The following TMEM163 variants were observed in gnomAD, a reference collection of about 807,000 sequenced individuals.
TMEM163 encodes the protein transmembrane protein 163.
TMEM163 carries 17 observed loss-of-function variants against 29.3 expected under a neutral mutation model. The ratio of observed to expected loss-of-function variants is 0.58; its 90% CI spans 0.40 to 0.87. TMEM163 has a LOEUF of 0.87. TMEM163 is among the 40% of genes least tolerant of loss of function. TMEM163 has a pLI of 0.00. For synonymous variants in TMEM163, 157 were observed against 160.6 expected (o/e 0.98, Z 0.17); for missense variants, 303 against 381.5 (o/e 0.79, Z 1.71).
intron 2 of TMEM163, among the ~76,000 whole-genome samples, chr2:134,667,990 G>A (rs1043173867): frequency 3.3e-5 from 5 of 152,184 alleles, no homozygotes; most frequent in Non-Finnish European, 7.3e-5. Flanking sequence ...CTGGGAGATC[G>A]GATCTGCTGA....
chr2:134,551,278 G>GGT (rs138062067), intron 3 of TMEM163, among the ~76,000 whole-genome samples: 16 of 150,886 alleles, frequency 1.1e-4, no homozygotes, highest in South Asian at 4.2e-4. Flanking sequence ...GGTATGTCTG[G>GGT]GTGTGTGTGT....
intron 2 of TMEM163, among the ~76,000 whole-genome samples, chr2:134,595,737 G>GTAAA (rs1682063111): frequency 6.6e-6 from 1 of 152,192 alleles, no homozygotes; most frequent in South Asian, 2.1e-4. Flanking sequence ...CACCAACAGT[G>GTAAA]TAAAAGTGTT....
At chr2:134,535,245 G>A (rs148704140) in intron 4 of TMEM163, among the ~76,000 whole-genome samples, 15 of 152,252 alleles carry the variant, frequency 9.9e-5, no homozygotes, top group African/African-American at 3.1e-4. Context: ...CTGACACATC[G>A]TGCACATTGC....
At chr2:134,605,715 AGGAGG>A (rs1322751477) in intron 2 of TMEM163, among the ~76,000 whole-genome samples, 2 of 147,762 alleles carry the variant, frequency 1.4e-5, no homozygotes, top group African/African-American at 5.0e-5. Flanking sequence ...GGGAAGGAAG[AGGAGG>A]GGAGGGGAGG....
intron 2 of TMEM163, among the ~76,000 whole-genome samples, chr2:134,623,715 C>T (rs1191475627): frequency 2.0e-5 from 3 of 151,924 alleles, no homozygotes; most frequent in Non-Finnish European, 2.9e-5. Flanking sequence ...TACGGTGAGC[C>T]GAGATAGCGC....
At chr2:134,537,345 G>A (rs1054200911) in intron 4 of TMEM163, among the ~76,000 whole-genome samples, 7 of 152,196 alleles carry the variant, frequency 4.6e-5, no homozygotes, top group Non-Finnish European at 1.0e-4. Flanking sequence ...GGAGGCTGAA[G>A]TTCTGAGATC....
chr2:134,471,086 C>A (rs1686790450), intron 5 of TMEM163, among the ~76,000 whole-genome samples: 1 of 152,202 alleles, frequency 6.6e-6, no homozygotes, highest in Admixed American at 6.5e-5. Context: ...GCAAGTGGAT[C>A]ACTTGAGGCC....
At chr2:134,714,972 T>C (rs377183195) in intron 1 of TMEM163, among the ~76,000 whole-genome samples, 5 of 152,176 alleles carry the variant, frequency 3.3e-5, no homozygotes, top group African/African-American at 1.2e-4. Flanking sequence ...CCCTTAATAA[T>C]TTATGTCCCT....
At chr2:134,605,323 A>G (rs1287317286) in intron 2 of TMEM163, among the ~76,000 whole-genome samples, 1 of 152,200 alleles carries the variant, frequency 6.6e-6, no homozygotes, top group African/African-American at 2.4e-5. Flanking sequence ...CAAAAGAGCA[A>G]AGAAACATGT....
chr2:134,663,826 C>A (rs1408417633), intron 2 of TMEM163, among the ~76,000 whole-genome samples: 1 of 152,208 alleles, frequency 6.6e-6, no homozygotes, highest in Non-Finnish European at 1.5e-5. Context: ...GACTCCTGCC[C>A]TTTTTACCAC....
At chr2:134,476,942 T>C (rs1005993000) in intron 5 of TMEM163, among the ~76,000 whole-genome samples, 7 of 152,218 alleles carry the variant, frequency 4.6e-5, no homozygotes, top group African/African-American at 1.7e-4. Flanking sequence ...TGTTTACTCC[T>C]TCAACAAGTT....
At chr2:134,550,474 G>C (rs992919461) in intron 4 of TMEM163, 96 bp downstream of exon 4, 1 of 1,195,820 alleles carries the variant, frequency 8.4e-7, no homozygotes, top group African/African-American at 1.5e-5. Flanking sequence ...TCATCACTGG[G>C]ACAAAAGCTG....
In TMEM163 at chr2:134,554,210, G is replaced by A. The variant is rs573594873; in HGVS notation, c.323-2119C>T. On this transcript the variant is annotated intron_variant, in intron 2 of 7. Coordinates refer to ENST00000281924, the MANE Select transcript of TMEM163 (RefSeq NM_030923.5). ...GAGGCCAAGGTGGGGGGATCACGAGGTCAAGAGATCGAGACCATCCTGGCC... is the reference window on the plus strand; with the variant it reads ...GAGGCCAAGGTGGGGGGATCACGAGATCAAGAGATCGAGACCATCCTGGCC... Among the ~76,000 whole-genome samples the A allele has an allele frequency of 1.3e-4, 20 of 152,056 alleles. No individual in the cohort carries two copies. The East Asian group carries it at 3.7e-3, about 28-fold the overall frequency.
At chr2:134,523,120 G>A (rs1558932808) in intron 4 of TMEM163, among the ~76,000 whole-genome samples, 1 of 152,198 alleles carries the variant, frequency 6.6e-6, no homozygotes, top group African/African-American at 2.4e-5. Flanking sequence ...TGAAACGTGT[G>A]TACACAGTAA....
chr2:134,480,106 T>TA (rs768868963), intron 5 of TMEM163, among the ~76,000 whole-genome samples: 1 of 152,200 alleles, frequency 6.6e-6, no homozygotes, highest in Non-Finnish European at 1.5e-5. Flanking sequence ...GTGTACATTA[T>TA]AAGACACGGT....
At chr2:134,568,688 AAAAGG>A (rs945733774) in intron 2 of TMEM163, among the ~76,000 whole-genome samples, 2 of 151,628 alleles carry the variant, frequency 1.3e-5, no homozygotes, top group African/African-American at 4.9e-5. Flanking sequence ...AAGAAAAGAA[AAAAGG>A]AAAGAAAGAA....
At chr2:134,585,737 GTCT>G (rs1681808429) in intron 2 of TMEM163, among the ~76,000 whole-genome samples, 2 of 107,954 alleles carry the variant, frequency 1.9e-5, no homozygotes, top group Admixed American at 2.2e-4. Context: ...GCGAGACTCC[GTCT>G]CAAAAAAAAA....
At position 134,713,270 on chromosome 2, in the gene TMEM163, G is replaced by A. The variant is rs764852910; in HGVS notation, c.252C>T (p.Tyr84=). The A allele has an allele frequency of 3.1e-6, 5 of 1,614,142 alleles. No individual in the cohort carries two copies. The highest frequency in any genetic ancestry group is 4.5e-5 in the East Asian group (2 of 44,886). ...TRLKPHEAQN[Y]RKKALWVSWF... Reference sequence around the variant, plus strand: ...AGGACACCCACAATGCCTTCTTCCTGTAGTTCTGGGCTTCGTGAGGTTTCA... The same window carrying A: ...AGGACACCCACAATGCCTTCTTCCTATAGTTCTGGGCTTCGTGAGGTTTCA... The change falls in exon 2 of 8, where the codon TAC becomes TAT. Residue 84 remains tyrosine (Y), a synonymous_variant. Coordinates refer to ENST00000281924, the MANE Select transcript of TMEM163 (RefSeq NM_030923.5).
chr2:134,483,189 C>T (rs1018555601), intron 5 of TMEM163, among the ~76,000 whole-genome samples: 1 of 152,138 alleles, frequency 6.6e-6, no homozygotes, highest in African/African-American at 2.4e-5. Flanking sequence ...TTTTCTGATA[C>T]AAGAGAAGGA....
Sources: allele counts gnomAD v4.1 joint callset (sites outside exome capture counted in the v4.1 genomes callset), GRCh38; gene constraint gnomAD v4.1.1; transcripts MANE v1.5; gene names NCBI Gene and HGNC (gene_info 2026-07-23, HGNC 2026-07-21).